ZCCHC7: variants seen among roughly 807,000 people sequenced by gnomAD.
ZCCHC7 encodes the protein zinc finger CCHC-type containing 7.
Under a neutral mutation model 52.0 loss-of-function variants are expected in ZCCHC7, and 35 were observed. That is an observed-to-expected ratio of 0.67 (90% CI 0.51 to 0.89). The LOEUF (loss-of-function observed/expected upper bound fraction) is 0.89. Among genes scored for constraint, ZCCHC7 ranks in the 40% least tolerant of loss-of-function variants. ZCCHC7 has a pLI of 0.00. For synonymous variants in ZCCHC7, 217 were observed against 221.5 expected (o/e 0.98, Z 0.18); for missense variants, 574 against 649.1 (o/e 0.88, Z 1.26).
intron 2 of ZCCHC7, among the ~76,000 whole-genome samples, chr9:37,154,445 T>G (rs1405390251): frequency 2.0e-5 from 3 of 152,198 alleles, no homozygotes; most frequent in African/African-American, 7.2e-5. Context: ...GAATTCTGTG[T>G]CATTAATTGC....
intron 5 of ZCCHC7, among the ~76,000 whole-genome samples, chr9:37,320,259 G>A (rs2117998232): frequency 6.6e-6 from 1 of 152,208 alleles, no homozygotes; most frequent in South Asian, 2.1e-4. Flanking sequence ...TATATTTTTA[G>A]TAGAGACAGG....
intron 2 of ZCCHC7, among the ~76,000 whole-genome samples, chr9:37,131,371 C>A (rs1416073631): frequency 6.7e-6 from 1 of 149,816 alleles, no homozygotes; most frequent in African/African-American, 2.5e-5. Context: ...ACAGGCCGGG[C>A]ATGGTGGCTC....
intron 2 of ZCCHC7, among the ~76,000 whole-genome samples, chr9:37,219,894 AAT>A (rs1824721448): frequency 6.6e-6 from 1 of 152,190 alleles, no homozygotes; most frequent in African/African-American, 2.4e-5. Flanking sequence ...GCAGAATTTG[AAT>A]AGATATCAAG....
chr9:37,243,506 C>G (rs1268825595), intron 2 of ZCCHC7, among the ~76,000 whole-genome samples: 2 of 151,728 alleles, frequency 1.3e-5, no homozygotes, highest in Non-Finnish European at 3.0e-5. Flanking sequence ...CTCAGTTTTT[C>G]AAACTACCAT....
At chr9:37,179,838 CAAT>C (rs1309374205) in intron 2 of ZCCHC7, among the ~76,000 whole-genome samples, 1 of 152,144 alleles carries the variant, frequency 6.6e-6, no homozygotes, top group African/African-American at 2.4e-5. Flanking sequence ...TTTTACCCCT[CAAT>C]GATGAGTGCC....
chr9:37,126,928 ACT>A lies in ZCCHC7; in HGVS notation c.599_600del (p.Ser200CysfsTer3). 7 of 1,613,118 alleles carry A rather than the reference ACT, an allele frequency of 4.3e-6. No individual in the cohort carries two copies. The highest frequency in any genetic ancestry group is 5.9e-6 in the Non-Finnish European group (7 of 1,179,774). ...CTTCTCAACCTTGTGGGATGTGAAA[ACT>A]CTGTTACTGAAGGTTAGTATCATAT... On this transcript the variant is annotated frameshift_variant, in exon 2 of 9. Coordinates refer to ENST00000336755, the MANE Select transcript of ZCCHC7 (RefSeq NM_032226.3). LOFTEE classifies it high-confidence loss of function.
intron 2 of ZCCHC7, among the ~76,000 whole-genome samples, chr9:37,295,051 T>C (rs745378968): frequency 2.0e-5 from 3 of 152,220 alleles, no homozygotes; most frequent in Non-Finnish European, 4.4e-5. Context: ...GTTTGGAAGA[T>C]ATAAAGATAG....
intron 6 of ZCCHC7, among the ~76,000 whole-genome samples, chr9:37,340,111 C>T (rs1392519286): frequency 6.6e-6 from 1 of 152,056 alleles, no homozygotes; most frequent in Non-Finnish European, 1.5e-5. Context: ...ACACTAACTA[C>T]TCATGCAGAA....
intron 2 of ZCCHC7, among the ~76,000 whole-genome samples, chr9:37,274,279 C>A (rs1827574269): frequency 6.8e-6 from 1 of 147,152 alleles, no homozygotes; most frequent in Non-Finnish European, 1.5e-5. Flanking sequence ...TTATGCTTGG[C>A]TTTCATGAGT....
At chr9:37,176,369 A>G (rs552793436) in intron 2 of ZCCHC7, among the ~76,000 whole-genome samples, 88 of 152,202 alleles carry the variant, frequency 5.8e-4, no homozygotes, top group African/African-American at 2.0e-3. Flanking sequence ...CACCGCGCCC[A>G]GTCTAGCCTC....
intron 2 of ZCCHC7, among the ~76,000 whole-genome samples, chr9:37,254,237 T>C (rs1221362577): frequency 1.3e-5 from 2 of 152,092 alleles, no homozygotes; most frequent in Non-Finnish European, 2.9e-5. Flanking sequence ...TCATACCAAC[T>C]AACATACTTA....
At chr9:37,344,565 A>G (rs780630341) in intron 6 of ZCCHC7, among the ~76,000 whole-genome samples, 4 of 152,170 alleles carry the variant, frequency 2.6e-5, no homozygotes, top group Non-Finnish European at 4.4e-5. Flanking sequence ...TTACGCCAAG[A>G]GTGGTGTTTC....
At chr9:37,140,829 C>G (rs1408135840) in intron 2 of ZCCHC7, among the ~76,000 whole-genome samples, 1 of 151,842 alleles carries the variant, frequency 6.6e-6, no homozygotes, top group Non-Finnish European at 1.5e-5. Flanking sequence ...CAGTGAAGGG[C>G]CTTCATTGTG....
chr9:37,310,539 A>C (rs541055518), intron 5 of ZCCHC7, among the ~76,000 whole-genome samples: 1 of 152,122 alleles, frequency 6.6e-6, no homozygotes, highest in Non-Finnish European at 1.5e-5. Flanking sequence ...TATTACTCCT[A>C]TTTTACAAAC....
At chr9:37,337,689 T>A (rs1477405707) in intron 6 of ZCCHC7, among the ~76,000 whole-genome samples, 2 of 152,136 alleles carry the variant, frequency 1.3e-5, no homozygotes, top group Admixed American at 1.3e-4. Flanking sequence ...AAATACATTT[T>A]TAAAATAAGG....
At chr9:37,183,353 T>G (rs1203728127) in intron 2 of ZCCHC7, among the ~76,000 whole-genome samples, 1 of 152,240 alleles carries the variant, frequency 6.6e-6, no homozygotes, top group African/African-American at 2.4e-5. Flanking sequence ...TGTGAAATAT[T>G]GGTTGCCTGA....
intron 2 of ZCCHC7, among the ~76,000 whole-genome samples, chr9:37,128,324 G>T (rs1842627154): frequency 1.3e-5 from 2 of 152,304 alleles, no homozygotes; most frequent in Admixed American, 1.3e-4. Flanking sequence ...GAACATATGG[G>T]GATGTGTTTG....
intron 4 of ZCCHC7, among the ~76,000 whole-genome samples, chr9:37,305,032 G>T (rs1829234274): frequency 6.6e-6 from 1 of 152,248 alleles, no homozygotes; most frequent in East Asian, 1.9e-4. Context: ...CGTTAAGCAG[G>T]TACATCAACC....
At chr9:37,263,369 TGGAA>T (rs1236975545) in intron 2 of ZCCHC7, among the ~76,000 whole-genome samples, 1 of 152,066 alleles carries the variant, frequency 6.6e-6, no homozygotes, top group Non-Finnish European at 1.5e-5. Context: ...ATTTTTAAAA[TGGAA>T]GGAATGAAAA....
Sources: allele counts gnomAD v4.1 joint callset (sites outside exome capture counted in the v4.1 genomes callset), GRCh38; gene constraint gnomAD v4.1.1; transcripts MANE v1.5; gene names NCBI Gene and HGNC (gene_info 2026-07-23, HGNC 2026-07-21).